The following ITGA9 variants were observed in gnomAD, a reference collection of about 807,000 sequenced individuals.
ITGA9 encodes the protein integrin alpha-9.
A neutral mutation model predicts 127.8 loss-of-function variants in ITGA9; 56 were observed. That is an observed-to-expected ratio of 0.44 (90% confidence interval 0.35 to 0.55). The LOEUF (loss-of-function observed/expected upper bound fraction) is 0.55, where lower values mean the gene tolerates loss of function less well. Among genes scored for constraint, ITGA9 ranks in the 20% least tolerant of loss-of-function variants. The pLI is 0.00. For synonymous variants in ITGA9, 508 were observed against 514.5 expected (o/e 0.99, Z 0.17); for missense variants, 1,196 against 1,347.1 (o/e 0.89, Z 1.76).
chr3:37,738,661 C>A, intron 20 of ITGA9, among the ~76,000 whole-genome samples: 1 of 152,180 alleles, frequency 6.6e-6, no homozygotes, highest in Non-Finnish European at 1.5e-5. Context: ...CATTCTCTTG[C>A]CATTTCTTGG....
chr3:37,603,929 A>T (rs1699944499), intron 15 of ITGA9, among the ~76,000 whole-genome samples: 1 of 152,198 alleles, frequency 6.6e-6, no homozygotes, highest in African/African-American at 2.4e-5. Flanking sequence ...GCTGGATGAA[A>T]GAAGCAGCTA....
chr3:37,721,672 G>A (rs1701191639), intron 18 of ITGA9, among the ~76,000 whole-genome samples: 1 of 152,066 alleles, frequency 6.6e-6, no homozygotes, highest in African/African-American at 2.4e-5. Flanking sequence ...ATCACCTCTG[G>A]TTCCCTCGGA....
chr3:37,676,547 G>C (rs114067774), intron 17 of ITGA9, among the ~76,000 whole-genome samples: 1,658 of 152,274 alleles, frequency 0.011, 26 homozygotes, highest in African/African-American at 0.038. Context: ...CAAAGAGATG[G>C]GGATACTGAC....
intron 16 of ITGA9, among the ~76,000 whole-genome samples, chr3:37,647,750 G>T (rs1286876983): frequency 6.6e-6 from 1 of 151,570 alleles, no homozygotes; most frequent in Non-Finnish European, 1.5e-5. Flanking sequence ...TTTGTGACTT[G>T]TTTCACTTAG....
chr3:37,701,629 G>C (rs1351644135), intron 18 of ITGA9, among the ~76,000 whole-genome samples: 1 of 152,200 alleles, frequency 6.6e-6, no homozygotes, highest in East Asian at 1.9e-4. Flanking sequence ...TGCAGGGGCA[G>C]AGCAGTTTTA....
intron 15 of ITGA9, among the ~76,000 whole-genome samples, chr3:37,595,061 C>T (rs1281629746): frequency 6.6e-6 from 1 of 152,172 alleles, no homozygotes; most frequent in Non-Finnish European, 1.5e-5. Context: ...AGTTACTTCT[C>T]CTGGAAGATC....
chr3:37,685,553 G>T (rs1481209831), intron 18 of ITGA9, among the ~76,000 whole-genome samples: 1 of 152,154 alleles, frequency 6.6e-6, no homozygotes, highest in Non-Finnish European at 1.5e-5. Flanking sequence ...CCATCTCCCT[G>T]TGCAGGGTGG....
chr3:37,598,682 C>T (rs1024367853), intron 15 of ITGA9, among the ~76,000 whole-genome samples: 5 of 152,138 alleles, frequency 3.3e-5, no homozygotes, highest in Non-Finnish European at 7.3e-5. Flanking sequence ...AGGGCCTACC[C>T]TTAGGCCCCA....
At chr3:37,512,004 T>C (rs1323218670) in intron 8 of ITGA9, among the ~76,000 whole-genome samples, 419 of 41,852 alleles carry the variant, frequency 0.01, 31 homozygotes, top group Middle Eastern at 0.029. Flanking sequence ...TTTTCTTTTC[T>C]TTTCTTTTCT....
In ITGA9 at chr3:37,654,162, TTAAA is replaced by T. The variant is rs1290495489; in HGVS notation, c.1916+377_1916+380del. Among the ~76,000 whole-genome samples, 8 of 150,468 alleles carry T rather than the reference TTAAA, an allele frequency of 5.3e-5. No individual in the cohort carries two copies. In the Admixed American group the frequency reaches 5.3e-4, roughly 10 times the overall value. On this transcript the variant is annotated intron_variant, in intron 17 of 27. Transcript: ENST00000264741. ...TTCATATGTATGATTCATCCTATTA[TTAAA>T]TAAAGGTTTATGCCCTCCTGCCTCC...
At chr3:37,640,277 A>G (rs937591100) in intron 16 of ITGA9, among the ~76,000 whole-genome samples, 8 of 152,192 alleles carry the variant, frequency 5.3e-5, no homozygotes, top group African/African-American at 1.9e-4. Flanking sequence ...AACTTCCTCC[A>G]GCTGGAGGTG....
chr3:37,459,639 T>C (rs191513730), intron 1 of ITGA9, among the ~76,000 whole-genome samples: 1 of 152,276 alleles, frequency 6.6e-6, no homozygotes, highest in East Asian at 1.9e-4. Flanking sequence ...TCCCCATTCA[T>C]GGAGGGGAAG....
rs369282174 is a variant in ITGA9 at position 37,629,202 on chromosome 3, G to A, written c.1705G>A (p.Val569Ile). 4.5e-5 allele frequency: 73 copies of A among 1,612,806 alleles called. No homozygotes were observed. Among genetic ancestry groups the A allele is most frequent in the Admixed American group, 4.2e-4 (25 of 59,988 alleles). ...VAHVKRRVQD[V>I]ISPIVFEAAY... ...ATTGTTTCAGCGGAGGGTGCAGGAC[G>A]TCATCAGCCCGATCGTGTTTGAAGC... The change falls in exon 16 of 28, where the codon GTC becomes ATC. Residue 569 changes from valine (V) to isoleucine (I), a missense_variant. Physicochemically the swap from Val to Ile is conservative, Grantham distance 29. Coordinates refer to ENST00000264741, the MANE Select transcript of ITGA9 (RefSeq NM_002207.3). The surrounding 1 kb of genome is among the most constrained non-coding windows in gnomAD (Gnocchi z 4.5).
intron 15 of ITGA9, chr3:37,573,202 G>A (rs1238017763): frequency 6.6e-6 from 1 of 152,096 alleles, no homozygotes; most frequent in African/African-American, 2.4e-5. Context: ...TTCTAAAAGA[G>A]CCATAACACT....
chr3:37,815,346 C>T (rs1697418103), intron 27 of ITGA9, among the ~76,000 whole-genome samples: 1 of 152,184 alleles, frequency 6.6e-6, no homozygotes, highest in African/African-American at 2.4e-5. Flanking sequence ...CGGTGGCTCA[C>T]GCCTGTAATC....
chr3:37,542,150 A>G (rs1699278884), intron 14 of ITGA9, among the ~76,000 whole-genome samples: 1 of 152,168 alleles, frequency 6.6e-6, no homozygotes, highest in African/African-American at 2.4e-5. Flanking sequence ...TTGATACCTC[A>G]TGATGGCATG....
At chr3:37,455,347 A>C (rs1280856439) in intron 1 of ITGA9, among the ~76,000 whole-genome samples, 1 of 152,246 alleles carries the variant, frequency 6.6e-6, no homozygotes, top group Non-Finnish European at 1.5e-5. Flanking sequence ...TCCTGGGCTT[A>C]GAATTGCTGG....
At chr3:37,798,043 C>T (rs374119680) in intron 26 of ITGA9, among the ~76,000 whole-genome samples, 9 of 151,868 alleles carry the variant, frequency 5.9e-5, no homozygotes, top group East Asian at 1.9e-4. Flanking sequence ...CAGGCTGGAG[C>T]GCAGTGGCAC....
intron 4 of ITGA9, among the ~76,000 whole-genome samples, chr3:37,491,527 A>G (rs1014949437): frequency 3.3e-5 from 5 of 152,148 alleles, no homozygotes; most frequent in African/African-American, 1.2e-4. Flanking sequence ...TCTTCCTGGG[A>G]ACACAGGAGA....
Sources: gnomAD v4.1 joint callset for allele counts (sites outside exome capture counted in the v4.1 genomes callset) on GRCh38, gnomAD v4.1.1 for gene constraint, Gnocchi (gnomAD v3.1) non-coding constraint, MANE v1.5 for transcripts, NCBI Gene and HGNC (gene_info 2026-07-23, HGNC 2026-07-21) for gene names.